ZZZ3: variants seen among roughly 807,000 people sequenced by gnomAD.
The protein encoded by ZZZ3 is ZZ-type zinc finger-containing protein 3.
In ZZZ3, 22 loss-of-function variants were observed where a neutral mutation model predicts 95.2. The ratio of observed to expected loss-of-function variants is 0.23; its 90% CI spans 0.17 to 0.33. ZZZ3 has a LOEUF of 0.33. ZZZ3 is among the 10% of genes least tolerant of loss of function. The pLI is 1.00. For synonymous variants in ZZZ3, 335 were observed against 358.9 expected (o/e 0.93, Z 0.75); for missense variants, 885 against 1,066.5 (o/e 0.83, Z 2.37).
intron 5 of ZZZ3, among the ~76,000 whole-genome samples, chr1:77,589,587 C>T (rs1408144216): frequency 1.3e-5 from 2 of 151,862 alleles, no homozygotes; most frequent in African/African-American, 4.8e-5. Flanking sequence ...ACAGGTATGC[C>T]ACCATTCCCA....
Position 77,581,962 on chromosome 1 carries a change from A to T in ZZZ3, c.1792+17T>A, listed in dbSNP as rs202038442. The T allele has an allele frequency of 1.6e-5, 26 of 1,599,078 alleles. No homozygotes were observed. The Middle Eastern group carries it at 8.3e-4, about 51-fold the overall frequency. ...CAGATATTTTTCTACTTAAATTCTT[A>T]TCATATGATTTCTTACCTTTATCAA... On this transcript the variant is annotated intron_variant, in intron 7 of 14. Transcript: ENST00000370801.
At chr1:77,629,894 T>C (rs1014118401) in intron 5 of ZZZ3, among the ~76,000 whole-genome samples, 1 of 152,226 alleles carries the variant, frequency 6.6e-6, no homozygotes, top group African/African-American at 2.4e-5. Context: ...CAAAGGGTTA[T>C]GAATGTGGAA....
intron 1 of ZZZ3, among the ~76,000 whole-genome samples, chr1:77,667,703 T>C (rs1671363322): frequency 6.6e-6 from 1 of 152,016 alleles, no homozygotes. Flanking sequence ...CTTTAAATCC[T>C]ATCAATAAGT....
chr1:77,633,434 A>G, intron 4 of ZZZ3, 29 bp from the exon 5 acceptor site: 10 of 1,455,472 alleles, frequency 6.9e-6, no homozygotes, highest in Non-Finnish European at 6.4e-6. Flanking sequence ...AATAATGAGA[A>G]AAAGGTAATA....
intron 1 of ZZZ3, among the ~76,000 whole-genome samples, chr1:77,676,248 C>T (rs1429163351): frequency 6.6e-6 from 1 of 152,028 alleles, no homozygotes; most frequent in African/African-American, 2.4e-5. Context: ...CTCATTGTAG[C>T]CTCAATCTTT....
chr1:77,655,456 A>G (rs552170152), intron 1 of ZZZ3, among the ~76,000 whole-genome samples: 1 of 152,354 alleles, frequency 6.6e-6, no homozygotes, highest in South Asian at 2.1e-4. Flanking sequence ...AGACACAGTG[A>G]GAAGATGGCC....
intron 1 of ZZZ3, among the ~76,000 whole-genome samples, chr1:77,682,104 G>T (rs1419421231): frequency 6.6e-6 from 1 of 152,118 alleles, no homozygotes; most frequent in Non-Finnish European, 1.5e-5. Flanking sequence ...GACATAATGG[G>T]CCCTCCAAAT....
intron 5 of ZZZ3, among the ~76,000 whole-genome samples, chr1:77,627,472 T>C (rs1417737424): frequency 6.6e-6 from 1 of 152,168 alleles, no homozygotes; most frequent in Non-Finnish European, 1.5e-5. Context: ...TCTCAATAAG[T>C]AAATCTCCAA....
chr1:77,630,295 G>GA (rs1667681237), intron 5 of ZZZ3, among the ~76,000 whole-genome samples: 2 of 151,896 alleles, frequency 1.3e-5, no homozygotes, highest in Non-Finnish European at 2.9e-5. Flanking sequence ...GCACCATGGT[G>GA]AAAACCTGCC....
intron 1 of ZZZ3, among the ~76,000 whole-genome samples, chr1:77,679,590 G>A (rs1176978193): frequency 6.6e-6 from 1 of 152,084 alleles, no homozygotes; most frequent in East Asian, 1.9e-4. Context: ...CCAGCTTAAG[G>A]TAACTTAAAG....
chr1:77,632,840 C>T lies in ZZZ3; in HGVS notation c.515G>A (p.Cys172Tyr). The T allele has an allele frequency of 6.2e-7, 1 of 1,614,166 alleles. No individual in the cohort carries two copies. Among genetic ancestry groups the T allele is most frequent in the South Asian group, 1.1e-5 (1 of 91,078 alleles). Residue 172 changes from cysteine to tyrosine, a missense_variant, in exon 5 of 15, where the codon TGT (cysteine) becomes TAT (tyrosine). Cys to Tyr is a radical substitution (Grantham distance 194). Transcript: ENST00000370801. ...CACCTTTTTAATTTCCCTTTTCTCA[C>T]AATCATCCAGTATAAGACATCGACA... ...RACRCLILDD[C>Y]EKREIKKVNV...
intron 4 of ZZZ3, among the ~76,000 whole-genome samples, chr1:77,636,386 C>T (rs1570572340): frequency 6.6e-6 from 1 of 152,052 alleles, no homozygotes; most frequent in African/African-American, 2.4e-5. Context: ...GTACTAAAAA[C>T]CTTTTTTTTA....
At chr1:77,587,102 C>T (rs1343117203) in intron 5 of ZZZ3, among the ~76,000 whole-genome samples, 1 of 151,970 alleles carries the variant, frequency 6.6e-6, no homozygotes, top group Non-Finnish European at 1.5e-5. Context: ...ACAATTATAC[C>T]ACGGAGGAAC....
At chr1:77,572,124 A>G (rs1661448040) in intron 12 of ZZZ3, among the ~76,000 whole-genome samples, 1 of 152,226 alleles carries the variant, frequency 6.6e-6, no homozygotes, top group South Asian at 2.1e-4. Flanking sequence ...AAAATCTATA[A>G]ACTTTTCCAC....
chr1:77,643,558 C>G (rs1436943053), intron 1 of ZZZ3, among the ~76,000 whole-genome samples: 1 of 152,188 alleles, frequency 6.6e-6, no homozygotes, highest in Non-Finnish European at 1.5e-5. Flanking sequence ...TGCTTGTTTT[C>G]ATGTACTAAT....
At chr1:77,569,272 G>A (rs890867301) in intron 12 of ZZZ3, among the ~76,000 whole-genome samples, 5 of 151,904 alleles carry the variant, frequency 3.3e-5, no homozygotes, top group Non-Finnish European at 7.3e-5. Context: ...GGGAGGCGGA[G>A]GTTGCAGTGA....
At chr1:77,646,971 A>G (rs1669332127) in intron 1 of ZZZ3, among the ~76,000 whole-genome samples, 1 of 152,208 alleles carries the variant, frequency 6.6e-6, no homozygotes, top group South Asian at 2.1e-4. Flanking sequence ...GATAATCTGC[A>G]GGGGACCTCC....
intron 13 of ZZZ3, 76 bp downstream of exon 13, chr1:77,568,256 G>C (rs754474902): frequency 2.3e-4 from 300 of 1,313,700 alleles, no homozygotes; most frequent in Non-Finnish European, 3.1e-4. Context: ...TCCAGCCTGG[G>C]CAACAGAGTG....
chr1:77,564,817 A>G lies in ZZZ3; in HGVS notation c.*823T>C, dbSNP rs1660685149. 1 of 152,612 alleles carries G rather than the reference A, an allele frequency of 6.6e-6. No homozygotes were observed. The highest frequency in any genetic ancestry group is 2.4e-5 in the African/African-American group (1 of 41,466). 9.5% of individuals were successfully genotyped at this position (152,612 alleles called of 1,614,324 possible). On this transcript the variant is annotated 3_prime_UTR_variant, in exon 15 of 15. Transcript: ENST00000370801. ...CAGTTTTCTTTGATGAGTTGTACTG[A>G]CAACTCCAAATACAGAGGCAGAAGG...
Sources: allele counts gnomAD v4.1 joint callset (sites outside exome capture counted in the v4.1 genomes callset), GRCh38; gene constraint gnomAD v4.1.1; transcripts MANE v1.5; gene names NCBI Gene and HGNC (gene_info 2026-07-23, HGNC 2026-07-21).